The following SMARCA4 variants were observed in gnomAD, a reference collection of about 807,000 sequenced individuals.
SMARCA4 encodes the protein SWI/SNF related BAF chromatin remodeling complex subunit ATPase 4.
Under a neutral mutation model 193.9 loss-of-function variants are expected in SMARCA4, and 31 were observed. That is an observed-to-expected ratio of 0.16 (90% CI 0.12 to 0.22). The LOEUF (loss-of-function observed/expected upper bound fraction) is 0.22, where lower values mean the gene tolerates loss of function less well. SMARCA4 is among the 10% of genes least tolerant of loss of function. The pLI, the probability that SMARCA4 is intolerant of heterozygous loss-of-function variation, is 1.00. For synonymous variants in SMARCA4, 942 were observed against 933.1 expected (o/e 1.01, Z -0.17); for missense variants, 1,148 against 2,296.0 (o/e 0.50, Z 10.22).
Position 11,019,765 on chromosome 19 carries a change from C to T in SMARCA4, c.2616+64C>T, listed in dbSNP as rs977379038. On this transcript the variant is annotated intron_variant, in intron 18 of 34. Coordinates refer to ENST00000344626, the MANE Select transcript of SMARCA4 (RefSeq NM_003072.5). This position sits in a 1 kb window ranked among gnomAD's most constrained non-coding sequence, Gnocchi z 6.1. Reference sequence around the variant, plus strand: ...AGTGCTCACACGTGGGTCACGCTGCCCGTCTCCTCCAAAGCCCCTACAAGT... The same window carrying T: ...AGTGCTCACACGTGGGTCACGCTGCTCGTCTCCTCCAAAGCCCCTACAAGT... 4.5e-6 allele frequency: 5 copies of T among 1,106,146 alleles called. No individual in the cohort carries two copies. The highest frequency in any genetic ancestry group is 2.6e-5 in the South Asian group (2 of 77,352). The allele number at this position is 1,106,146 out of a possible 1,614,324, so 68.5% of individuals were successfully genotyped here. A position where few individuals can be genotyped will look rare whatever the true frequency, so the allele number is the denominator to read the frequency against.
At chr19:11,029,232 G>A (rs1235276932) in intron 24 of SMARCA4, among the ~76,000 whole-genome samples, 1 of 152,208 alleles carries the variant, frequency 6.6e-6, no homozygotes, top group Admixed American at 6.5e-5. Context: ...CTCTCCAGCG[G>A]CTTCTCCCGT....
chr19:11,055,479 C>T (rs902259220), intron 30 of SMARCA4, among the ~76,000 whole-genome samples: 5 of 151,952 alleles, frequency 3.3e-5, no homozygotes, highest in Non-Finnish European at 5.9e-5. Context: ...TGAGCCACTG[C>T]GCCCAGCCGC....
Position 10,989,249 on chromosome 19 carries a change from C to T in SMARCA4, c.1119-68C>T, listed in dbSNP as rs1237138976. ...CCTCTCTCGAGGGATGGGTCCCCTG[C>T]AGCTCCAGCTGTAACTGGGTGCCCT... On this transcript the variant is annotated intron_variant, in intron 6 of 34. Coordinates refer to ENST00000344626, the MANE Select transcript of SMARCA4 (RefSeq NM_003072.5). 4 of 1,598,058 alleles carry T rather than the reference C, an allele frequency of 2.5e-6. No individual in the cohort carries two copies. The African/African-American group carries it at 5.4e-5, about 21-fold the overall frequency.
chr19:11,032,805 G>A, intron 25 of SMARCA4: 1 of 256,198 alleles, frequency 3.9e-6, no homozygotes, highest in Middle Eastern at 1.5e-3. Flanking sequence ...GCCCCATGTA[G>A]GCTGAGGGAG....
intron 30 of SMARCA4, among the ~76,000 whole-genome samples, chr19:11,050,767 A>G (rs762305570): frequency 5.9e-5 from 9 of 152,140 alleles, no homozygotes; most frequent in Non-Finnish European, 1.3e-4. Flanking sequence ...TGTTTGTCAC[A>G]CTCCTTCAAG....
In SMARCA4 at chr19:11,034,234, C is replaced by T. The variant is rs754202425; in HGVS notation, c.3951+34C>T. 2 of 1,525,786 alleles carry T rather than the reference C, an allele frequency of 1.3e-6. No individual in the cohort carries two copies. Among genetic ancestry groups the T allele is most frequent in the Non-Finnish European group, 1.8e-6 (2 of 1,099,832 alleles). The allele number at this position is 1,525,786 out of a possible 1,614,324, so 94.5% of individuals were successfully genotyped here. On this transcript the variant is annotated intron_variant, in intron 28 of 34. Coordinates refer to ENST00000344626, the MANE Select transcript of SMARCA4 (RefSeq NM_003072.5). The surrounding 1 kb of genome is among the most constrained non-coding windows in gnomAD (Gnocchi z 7.0). Reference sequence around the variant, plus strand: ...TGCAGGCTGGATGGGGCAGTTCAGGCATCCCACTCTGCTGCCACCAGGAGC... The same window carrying T: ...TGCAGGCTGGATGGGGCAGTTCAGGTATCCCACTCTGCTGCCACCAGGAGC...
In SMARCA4 at chr19:11,034,292, C is replaced by A; in HGVS notation, c.3951+92C>A. On this transcript the variant is annotated intron_variant, in intron 28 of 34. Transcript: ENST00000344626. This position sits in a 1 kb window ranked among gnomAD's most constrained non-coding sequence, Gnocchi z 7.0. The stretch of plus-strand genomic sequence containing the variant: ...ACGTCCTAGTGCCCATGGTGGTATC[C>A]CTAGCAGGTCAGGGAGCCAGGGACA... 9.8e-7 allele frequency: 1 copy of A among 1,019,028 alleles called. No homozygotes were observed. 63.1% of individuals were successfully genotyped at this position (1,019,028 alleles called of 1,614,324 possible). A position where few individuals can be genotyped will look rare whatever the true frequency, so the allele number is the denominator to read the frequency against.
rs527873291 is a variant in SMARCA4, at chr19:11,048,409, G to T, written c.4424+6849G>T. Among the ~76,000 whole-genome samples, 83 of 152,192 alleles carry T rather than the reference G, an allele frequency of 5.5e-4. 4 individuals are homozygous for T. The South Asian group carries it at 0.015, about 28-fold the overall frequency. ...ACCATCATGCCTGGCCGGAATTTTTGTTTTTTAGTTGGCTCTCCAGAACCC... is the reference window on the plus strand; with the variant it reads ...ACCATCATGCCTGGCCGGAATTTTTTTTTTTTAGTTGGCTCTCCAGAACCC... On this transcript the variant is annotated intron_variant, in intron 30 of 34. Transcript: ENST00000344626.
chr19:11,037,696 C>T (rs968151525), intron 29 of SMARCA4, among the ~76,000 whole-genome samples: 2 of 151,304 alleles, frequency 1.3e-5, no homozygotes, highest in Non-Finnish European at 1.5e-5. Flanking sequence ...GAGAAACCAT[C>T]GCCTATCCAA....
In SMARCA4 at chr19:11,021,735, A is replaced by G. The variant is rs1600277756; in HGVS notation, c.2627A>G (p.Lys876Arg). 5 of 1,612,104 alleles carry G rather than the reference A, an allele frequency of 3.1e-6. No individual in the cohort carries two copies. Among genetic ancestry groups the G allele is most frequent in the Non-Finnish European group, 4.2e-6 (5 of 1,179,064 alleles). Reference protein sequence around the residue: ...DKHILAKIRWKYMIVDEGHRM... With the variant: ...DKHILAKIRWRYMIVDEGHRM... ...CTCTGGGGCCCGCAGATCCGTTGGA[A>G]GTACATGATTGTGGACGAAGGTCAC... Residue 876 changes from lysine (K) to arginine (R), a missense_variant, in exon 19 of 35, where the codon AAG becomes AGG. This residue lies in a region of SMARCA4 where 54 missense variants were observed against 123.3 expected (regional missense o/e 0.44). Coordinates refer to ENST00000344626, the MANE Select transcript of SMARCA4 (RefSeq NM_003072.5).
At chr19:11,007,682 C>G (rs946748344) in intron 13 of SMARCA4, among the ~76,000 whole-genome samples, 1 of 151,948 alleles carries the variant, frequency 6.6e-6, no homozygotes, top group South Asian at 2.1e-4. Context: ...TCAAAGCCAT[C>G]TGGGCAACAT....
At chr19:10,982,847 A>G (rs1021595832) in intron 1 of SMARCA4, among the ~76,000 whole-genome samples, 1 of 152,202 alleles carries the variant, frequency 6.6e-6, no homozygotes, top group African/African-American at 2.4e-5. Flanking sequence ...AAATGTTTCT[A>G]CACTTCTTAC....
intron 16 of SMARCA4, among the ~76,000 whole-genome samples, chr19:11,016,698 A>G (rs563795834): frequency 2.6e-5 from 4 of 151,884 alleles, no homozygotes; most frequent in Admixed American, 6.6e-5. Flanking sequence ...TTTATTTAGT[A>G]CTCCAGGCTA....
intron 29 of SMARCA4, chr19:11,039,749 G>A (rs909962425): frequency 5.2e-6 from 2 of 386,614 alleles, no homozygotes; most frequent in African/African-American, 4.2e-5. Context: ...AGGAGTTAAA[G>A]TCCAACCAGG....
At chr19:11,027,533 C>G (rs1192893950) in intron 23 of SMARCA4, among the ~76,000 whole-genome samples, 1 of 152,214 alleles carries the variant, frequency 6.6e-6, no homozygotes, top group Non-Finnish European at 1.5e-5. Flanking sequence ...TCATGAGTGT[C>G]TGGGTTTGAC....
At chr19:10,990,289 A>T (rs1159881255) in intron 7 of SMARCA4, among the ~76,000 whole-genome samples, 2 of 152,016 alleles carry the variant, frequency 1.3e-5, no homozygotes, top group African/African-American at 4.8e-5. Context: ...AGTAGCTGGG[A>T]TTACAGGTGT....
intron 29 of SMARCA4, among the ~76,000 whole-genome samples, chr19:11,036,550 T>C (rs968480137): frequency 6.6e-6 from 1 of 152,192 alleles, no homozygotes; most frequent in African/African-American, 2.4e-5. Context: ...TGAGCCACGG[T>C]GCCCAGCTCA....
intron 1 of SMARCA4, among the ~76,000 whole-genome samples, chr19:10,977,345 A>G (rs1449055265): frequency 6.6e-6 from 1 of 150,940 alleles, no homozygotes; most frequent in Non-Finnish European, 1.5e-5. Flanking sequence ...TTTTTTTGAG[A>G]TGAACTCTTG....
chr19:11,037,229 C>T (rs969240576), intron 29 of SMARCA4, among the ~76,000 whole-genome samples: 7 of 152,232 alleles, frequency 4.6e-5, no homozygotes, highest in African/African-American at 1.7e-4. Flanking sequence ...TTTTGAGGGA[C>T]CCCAGCCTGG....
Sources: allele counts gnomAD v4.1 joint callset (sites outside exome capture counted in the v4.1 genomes callset), GRCh38; gene constraint gnomAD v4.1.1; regional missense constraint gnomAD v4.1.1; non-coding constraint Gnocchi (gnomAD v3.1); transcripts MANE v1.5; gene names NCBI Gene and HGNC (gene_info 2026-07-23, HGNC 2026-07-21).